Variants in USP37 observed in about 807,000 individuals in gnomAD.
The protein encoded by USP37 is ubiquitin specific peptidase 37, also known as ubiquitin carboxyl-terminal hydrolase 37.
USP37 carries 27 observed loss-of-function variants against 124.0 expected under a neutral mutation model. The observed-to-expected ratio is 0.22, with a 90% CI of 0.16 to 0.30. The LOEUF (loss-of-function observed/expected upper bound fraction) is 0.30. USP37 is among the 10% of genes least tolerant of loss of function. USP37 has a pLI of 1.00. For synonymous variants in USP37, 365 were observed against 388.0 expected (o/e 0.94, Z 0.70); for missense variants, 889 against 1,140.4 (o/e 0.78, Z 3.17).
intron 8 of USP37, among the ~76,000 whole-genome samples, chr2:218,541,769 A>G (rs1351384570): frequency 6.6e-6 from 1 of 152,154 alleles, no homozygotes; most frequent in Non-Finnish European, 1.5e-5. Flanking sequence ...TTAATACAAG[A>G]CAGGAGTCAA....
In USP37 at chr2:218,454,071, T is replaced by C. The variant is rs758082930; in HGVS notation, c.*859A>G. 2.0e-5 allele frequency: 3 copies of C among 152,580 alleles called. No homozygotes were observed. Among genetic ancestry groups the C allele is most frequent in the African/African-American group, 2.4e-5 (1 of 41,454 alleles). 9.5% of individuals were successfully genotyped at this position (152,580 alleles called of 1,614,324 possible). A position where few individuals can be genotyped will look rare whatever the true frequency, so the allele number is the denominator to read the frequency against. ...AATCCATTAGGGTAATGCTGCTCCA[T>C]GGCAGAATGACAAAAAAGAAAAAAG... On this transcript the variant is annotated 3_prime_UTR_variant, in exon 26 of 26. Coordinates refer to ENST00000258399, the MANE Select transcript of USP37 (RefSeq NM_020935.3).
At chr2:218,537,514 C>T (rs1190009107) in intron 8 of USP37, among the ~76,000 whole-genome samples, 1 of 152,234 alleles carries the variant, frequency 6.6e-6, no homozygotes, top group African/African-American at 2.4e-5. Context: ...AATCCAGGTA[C>T]TATGAGCCAA....
chr2:218,496,775 A>T (rs1211515533), intron 13 of USP37, among the ~76,000 whole-genome samples: 1 of 151,988 alleles, frequency 6.6e-6, no homozygotes, highest in Non-Finnish European at 1.5e-5. Flanking sequence ...CAGCCTCCCA[A>T]GTAGCTGGGA....
chr2:218,533,689 C>A (rs1691463296), intron 9 of USP37, among the ~76,000 whole-genome samples: 2 of 152,042 alleles, frequency 1.3e-5, no homozygotes, highest in Non-Finnish European at 2.9e-5. Context: ...TGTCACAATC[C>A]CAAACCACTA....
At chr2:218,509,255 A>C (rs1380161183) in intron 11 of USP37, among the ~76,000 whole-genome samples, 1 of 152,234 alleles carries the variant, frequency 6.6e-6, no homozygotes, top group Non-Finnish European at 1.5e-5. Flanking sequence ...CTGCAGCACT[A>C]CTGCCTGGAT....
chr2:218,522,703 T>C (rs1466375323), intron 10 of USP37, among the ~76,000 whole-genome samples: 1 of 152,188 alleles, frequency 6.6e-6, no homozygotes, highest in Admixed American at 6.5e-5. Flanking sequence ...GAGCTTTGTT[T>C]ACTTAGGTCT....
chr2:218,509,963 G>A lies in USP37; in HGVS notation c.1025+16C>T. 1.3e-6 allele frequency: 2 copies of A among 1,503,276 alleles called. No individual in the cohort carries two copies. Among genetic ancestry groups the A allele is most frequent in the Non-Finnish European group, 8.9e-7 (1 of 1,120,764 alleles). The allele number at this position is 1,503,276 out of a possible 1,614,324, so 93.1% of individuals were successfully genotyped here. A position where few individuals can be genotyped will look rare whatever the true frequency, so the allele number is the denominator to read the frequency against. On this transcript the variant is annotated intron_variant, in intron 11 of 25. Coordinates refer to ENST00000258399, the MANE Select transcript of USP37 (RefSeq NM_020935.3). ...CACTTTATAAAAAAGAAAGTAAAATGAAAGAATTGACCTACCCCTGCAGTT... is the reference window on the plus strand; with the variant it reads ...CACTTTATAAAAAAGAAAGTAAAATAAAAGAATTGACCTACCCCTGCAGTT...
At chr2:218,505,207 T>A (rs1475794030) in intron 11 of USP37, among the ~76,000 whole-genome samples, 1 of 151,824 alleles carries the variant, frequency 6.6e-6, no homozygotes, top group African/African-American at 2.4e-5. Flanking sequence ...TTTGTAGAGA[T>A]GTGGTTTTTC....
intron 10 of USP37, among the ~76,000 whole-genome samples, chr2:218,510,699 T>G (rs1323230030): frequency 6.6e-6 from 1 of 152,198 alleles, no homozygotes; most frequent in East Asian, 1.9e-4. Context: ...TTATTATCAG[T>G]TTTAATTTTT....
chr2:218,535,616 G>A (rs1390349377), intron 8 of USP37, among the ~76,000 whole-genome samples: 1 of 151,984 alleles, frequency 6.6e-6, no homozygotes, highest in African/African-American at 2.4e-5. Flanking sequence ...CAGCACTTTG[G>A]GAGGCCGAGG....
chr2:218,463,331 T>C lies in USP37; in HGVS notation c.2502A>G (p.Lys834=), dbSNP rs746288880. ...CTTGAAGACTTAACTCGGTAGCTCT[T>C]TTGAGGTCATCATCTTCTTTCTGTT... is the stretch of plus-strand genomic sequence containing the variant. ...AWEQKEDDDL[K]RATELSLQEF... The change falls in exon 22 of 26, where the codon AAA becomes AAG. Residue 834 remains lysine, a synonymous_variant. Coordinates refer to ENST00000258399, the MANE Select transcript of USP37 (RefSeq NM_020935.3). 23 of 1,613,830 alleles carry C rather than the reference T, an allele frequency of 1.4e-5. No individual in the cohort carries two copies. In the South Asian group the frequency reaches 2.0e-4, roughly 14 times the overall value.
At chr2:218,462,609 C>T (rs1457985906) in intron 22 of USP37, among the ~76,000 whole-genome samples, 4 of 152,098 alleles carry the variant, frequency 2.6e-5, no homozygotes, top group Non-Finnish European at 5.9e-5. Flanking sequence ...CACGGGGAAA[C>T]TGAAGCCACA....
intron 11 of USP37, among the ~76,000 whole-genome samples, chr2:218,505,870 GT>G (rs34891152): frequency 0.66 from 99,534 of 150,020 alleles, 33,296 homozygotes; most frequent in East Asian, 0.9. Context: ...CTGTTTTGTT[GT>G]TTTTTTTTTG....
intron 8 of USP37, among the ~76,000 whole-genome samples, chr2:218,543,068 C>T (rs1422815823): frequency 6.6e-6 from 1 of 152,188 alleles, no homozygotes; most frequent in Non-Finnish European, 1.5e-5. Flanking sequence ...ATCTCATACT[C>T]ACTGAACCTA....
chr2:218,454,931 C>A lies in USP37; in HGVS notation c.2939G>T (p.Ter980LeuextTer50). 1 of 1,614,048 alleles carries A rather than the reference C, an allele frequency of 6.2e-7. No homozygotes were observed. The highest frequency in any genetic ancestry group is 1.1e-5 in the South Asian group (1 of 91,080). The stretch of plus-strand genomic sequence containing the variant: ...GCTGCCAACCCAGGAGTTTGTTCCT[C>A]ACAAGGCCTGACGGGTAGTCTTCCC... ...EVGKTTRQAL[*>L] The change falls in exon 26 of 26, where the codon TGA (stop) becomes TTA (leucine). Residue 980 changes from the stop codon to leucine (L), a stop_lost. Transcript: ENST00000258399.
intron 10 of USP37, among the ~76,000 whole-genome samples, chr2:218,516,343 T>C (rs1185855111): frequency 6.6e-6 from 1 of 152,118 alleles, no homozygotes; most frequent in Admixed American, 6.6e-5. Context: ...ATATACACCA[T>C]AGAATACTAT....
intron 10 of USP37, among the ~76,000 whole-genome samples, chr2:218,510,943 G>A (rs545082420): frequency 2.0e-5 from 3 of 151,966 alleles, no homozygotes; most frequent in African/African-American, 7.2e-5. Flanking sequence ...TGCAATGAGC[G>A]CAGATTGCAC....
intron 11 of USP37, among the ~76,000 whole-genome samples, chr2:218,508,665 G>A (rs1574902106): frequency 6.6e-6 from 1 of 152,262 alleles, no homozygotes; most frequent in South Asian, 2.1e-4. Flanking sequence ...AACTGAGGTT[G>A]AACAATTAGA....
In USP37 at chr2:218,526,785, C is replaced by CTTTTTTTTTTTTTTT. The variant is rs71064454; in HGVS notation, c.863+3156_863+3170dup. ...AACGTAAGTTTCTTCATTTCATTTG[C>CTTTTTTTTTTTTTTT]TTTTTTTTTTTTTTTTTTTTTGGGA... On this transcript the variant is annotated intron_variant, in intron 10 of 25. Transcript: ENST00000258399. Among the ~76,000 whole-genome samples the CTTTTTTTTTTTTTTT allele has an allele frequency of 6.6e-5, 5 of 75,918 alleles. 1 individual carries two copies. The highest frequency in any genetic ancestry group is 2.0e-4 in the Admixed American group (1 of 5,052). The allele number at this position is 75,918 out of a possible 152,430, so 49.8% of individuals were successfully genotyped here.
Sources: allele counts gnomAD v4.1 joint callset (sites outside exome capture counted in the v4.1 genomes callset), GRCh38; gene constraint gnomAD v4.1.1; transcripts MANE v1.5; gene names NCBI Gene and HGNC (gene_info 2026-07-23, HGNC 2026-07-21).